The following SERINC2 variants were observed in gnomAD, a reference collection of about 807,000 sequenced individuals.
SERINC2 encodes tumor differentially expressed protein 2.
Under a neutral mutation model 54.2 loss-of-function variants are expected in SERINC2, and 56 were observed. The ratio of observed to expected loss-of-function variants is 1.03; its 90% CI spans 0.83 to 1.29. The LOEUF (loss-of-function observed/expected upper bound fraction) is 1.29, where lower values mean the gene tolerates loss of function less well. Among genes scored for constraint, SERINC2 ranks in the 50% most tolerant of loss-of-function variants. The pLI is 0.00. For synonymous variants in SERINC2, 272 were observed against 253.1 expected (o/e 1.07, Z -0.71); for missense variants, 614 against 607.4 (o/e 1.01, Z -0.12).
chr1:31,426,629 C>A (rs1553133637), intron 5 of SERINC2, 25 bp from the exon 6 acceptor site: 3 of 1,580,602 alleles, frequency 1.9e-6, no homozygotes, highest in African/African-American at 2.7e-5. Flanking sequence ...CCACTGCCTA[C>A]CCTCTCACTA....
intron 6 of SERINC2, among the ~76,000 whole-genome samples, chr1:31,428,649 A>G (rs1641108025): frequency 1.3e-5 from 2 of 151,966 alleles, no homozygotes; most frequent in East Asian, 1.9e-4. Context: ...GTGGTGGGAG[A>G]GGCTGGGCAG....
At chr1:31,410,343 C>T, upstream of SERINC2, 4 of 1,547,740 alleles carry the variant, frequency 2.6e-6, no homozygotes, top group South Asian at 1.2e-5. Context: ...TCAGTAGTCC[C>T]CTCAGATAGC....
intron 1 of SERINC2, chr1:31,414,254 CTTCCCTTTCCCCAGCCCCCCTCTCCT>C: frequency 1.5e-6 from 2 of 1,337,502 alleles, no homozygotes. Flanking sequence ...CCCGTTCTCC[CTTCCCTTTCCCCAGCCCCCCTCTCCT>C]TTCCTCTTCC....
At chr1:31,417,126 A>C (rs1363136368) in intron 1 of SERINC2, among the ~76,000 whole-genome samples, 2 of 152,204 alleles carry the variant, frequency 1.3e-5, no homozygotes, top group African/African-American at 4.8e-5. Flanking sequence ...AGTAGTGCCA[A>C]CTAAGGCACA....
intron 1 of SERINC2, among the ~76,000 whole-genome samples, chr1:31,423,385 T>A (rs1292181453): frequency 8.1e-5 from 12 of 148,942 alleles, no homozygotes; most frequent in Non-Finnish European, 1.2e-4. Flanking sequence ...GGCCTTGTGA[T>A]TTTTTTTTTT....
rs980748674 is a variant in SERINC2, at chr1:31,432,954, C to A, written c.1014-13C>A. ...GAGCTATCTATTTGCCCACCTTCCT[C>A]CCTCCCCTGCAGTCTGCGCTCCTCA... On this transcript the variant is annotated splice_polypyrimidine_tract_variant and intron_variant, in intron 8 of 9. Coordinates refer to ENST00000373709, the MANE Select transcript of SERINC2 (RefSeq NM_178865.5). The A allele has an allele frequency of 2.5e-6, 4 of 1,595,312 alleles. No individual in the cohort carries two copies. In the African/African-American group the frequency reaches 4.0e-5, roughly 16 times the overall value.
At chr1:31,418,479 G>A (rs1427074452) in intron 1 of SERINC2, among the ~76,000 whole-genome samples, 1 of 152,122 alleles carries the variant, frequency 6.6e-6, no homozygotes, top group East Asian at 1.9e-4. Context: ...GGGTTCAAGC[G>A]AGTCTGCTGC....
rs1286546991 is a variant in SERINC2 at position 31,425,841 on chromosome 1, G to A, written c.538G>A (p.Asp180Asn). The A allele has an allele frequency of 9.9e-6, 16 of 1,613,594 alleles. No homozygotes were observed. The highest frequency in any genetic ancestry group is 1.7e-5 in the Admixed American group (1 of 59,998). Residue 180 changes from aspartate to asparagine, a missense_variant, in exon 5 of 10, where the codon GAC (aspartate) becomes AAC (asparagine). Physicochemically the swap from Asp to Asn is conservative, Grantham distance 23. Coordinates refer to ENST00000373709, the MANE Select transcript of SERINC2 (RefSeq NM_178865.5). The stretch of plus-strand genomic sequence containing the variant: ...CCTCATCCAGCTGGTGCTGCTCATC[G>A]ACTTTGCGCACTCCTGGAACCAGCG... ...FILIQLVLLIDFAHSWNQRWL... is the reference protein window; with the variant it reads ...FILIQLVLLINFAHSWNQRWL...
At chr1:31,415,177 T>A in intron 1 of SERINC2, among the ~76,000 whole-genome samples, 1 of 152,196 alleles carries the variant, frequency 6.6e-6, no homozygotes, top group Non-Finnish European at 1.5e-5. Flanking sequence ...AGGATCAACA[T>A]CTGATTCCTG....
At chr1:31,423,316 C>T (rs1321088751) in intron 1 of SERINC2, among the ~76,000 whole-genome samples, 1 of 152,124 alleles carries the variant, frequency 6.6e-6, no homozygotes, top group African/African-American at 2.4e-5. Context: ...GAAGAGGACA[C>T]TGAGGCACAG....
At chr1:31,427,378 G>C (rs1181466289) in intron 6 of SERINC2, among the ~76,000 whole-genome samples, 1 of 152,188 alleles carries the variant, frequency 6.6e-6, no homozygotes, top group Non-Finnish European at 1.5e-5. Flanking sequence ...TTTGTGGTTT[G>C]AGATCTCAGC....
In SERINC2 at chr1:31,415,741, T is replaced by G. The variant is rs538275621; in HGVS notation, c.39+2437T>G. On this transcript the variant is annotated intron_variant, in intron 1 of 9. Transcript: ENST00000373709. ...GTACCATCCTGTTGCAGTGAAGAGTTGCTGCACAGGAGTGAAGTTCTATGT... is the reference window on the plus strand; with the variant it reads ...GTACCATCCTGTTGCAGTGAAGAGTGGCTGCACAGGAGTGAAGTTCTATGT... 9.4e-6 allele frequency: 3 copies of G among 318,476 alleles called. No homozygotes were observed. In the South Asian group the frequency reaches 3.8e-4, roughly 40 times the overall value. The allele number at this position is 318,476 out of a possible 1,614,324, so 19.7% of individuals were successfully genotyped here.
intron 1 of SERINC2, among the ~76,000 whole-genome samples, chr1:31,416,710 C>T (rs1165665720): frequency 3.3e-5 from 5 of 152,006 alleles, no homozygotes; most frequent in African/African-American, 1.2e-4. Flanking sequence ...TATGTTATTT[C>T]ATTTTATTTT....
intron 5 of SERINC2, among the ~76,000 whole-genome samples, chr1:31,426,251 T>G (rs1553133597): frequency 6.6e-6 from 1 of 152,094 alleles, no homozygotes; most frequent in African/African-American, 2.4e-5. Context: ...GAAACCCCAG[T>G]AGCAGGGTGA....
chr1:31,428,944 C>T, intron 6 of SERINC2, 34 bp from the exon 7 acceptor site: 1 of 1,587,480 alleles, frequency 6.3e-7, no homozygotes, highest in Non-Finnish European at 8.6e-7. Flanking sequence ...TGTCTCTGGT[C>T]TGGCAGGGGT....
chr1:31,411,100 A>G (rs1278342295), upstream of SERINC2, among the ~76,000 whole-genome samples: 1 of 152,172 alleles, frequency 6.6e-6, no homozygotes, highest in African/African-American at 2.4e-5. Flanking sequence ...CAGGCCCTGT[A>G]CTGTGCTCTG....
chr1:31,432,147 CAGGGTGGACAGGGTGGATAGGGTGGAT>C (rs1557501557), intron 8 of SERINC2, among the ~76,000 whole-genome samples: 97 of 4,766 alleles, frequency 0.02, 5 homozygotes, highest in Middle Eastern at 0.25. Context: ...ACAGGGTGGA[CAGGGTGGACAGGGTGGATAGGGTGGAT>C]AGGGTGGATA....
chr1:31,425,698 G>C (rs1375264899), intron 4 of SERINC2, 78 bp from the exon 5 acceptor site: 2 of 1,523,556 alleles, frequency 1.3e-6, no homozygotes, highest in South Asian at 2.4e-5. Context: ...CCGGTGCAGG[G>C]TGTAGCAGAA....
rs1254150876 is a variant in SERINC2, at chr1:31,419,157, G to A, written c.40-4536G>A. The stretch of plus-strand genomic sequence containing the variant: ...TGGTTGTAATCGTAGTGTGGGAACA[G>A]CTTTCCAGTCTGCCTTCCTTTCACA... On this transcript the variant is annotated intron_variant, in intron 1 of 9. Transcript: ENST00000373709. Among the ~76,000 whole-genome samples the A allele has an allele frequency of 1.2e-4, 18 of 152,160 alleles. 1 individual carries two copies. The highest frequency in any genetic ancestry group is 1.2e-3 in the Admixed American group (18 of 15,278).
Sources: allele counts gnomAD v4.1 joint callset (sites outside exome capture counted in the v4.1 genomes callset), GRCh38; gene constraint gnomAD v4.1.1; transcripts MANE v1.5; gene names NCBI Gene and HGNC (gene_info 2026-07-23, HGNC 2026-07-21).